NUDT9: variants seen among roughly 807,000 people sequenced by gnomAD.
NUDT9 encodes nudix hydrolase 9.
NUDT9 carries 31 observed loss-of-function variants against 41.0 expected under a neutral mutation model. The observed-to-expected ratio is 0.76, with a 90% confidence interval of 0.57 to 1.02. The LOEUF is 1.02. NUDT9 is among the 50% of genes least tolerant of loss of function. The pLI, the probability that NUDT9 is intolerant of heterozygous loss-of-function variation, is 0.00. For synonymous variants in NUDT9, 146 were observed against 147.6 expected, an observed-to-expected ratio of 0.99 and a Z score of 0.08; for missense variants, 380 against 431.4, an observed-to-expected ratio of 0.88 and a Z score of 1.06.
At chr4:87,449,654 A>G (rs1227847673) in intron 5 of NUDT9, among the ~76,000 whole-genome samples, 3 of 152,010 alleles carry the variant, frequency 2.0e-5, no homozygotes, top group African/African-American at 2.4e-5. Context: ...TTTAACCTCC[A>G]CTCCAAGCCC....
chr4:87,438,440 T>C (rs756466769), intron 3 of NUDT9, 68 bp downstream of exon 3: 10 of 864,818 alleles, frequency 1.2e-5, no homozygotes, highest in Admixed American at 9.6e-5. Flanking sequence ...AGTTCATATT[T>C]ATCAAATCCT....
chr4:87,441,710 T>C (rs1297047396), intron 3 of NUDT9, 119 bp from the exon 4 acceptor site: 8 of 787,312 alleles, frequency 1.0e-5, no homozygotes, highest in Non-Finnish European at 1.8e-5. Context: ...GATAGTTCCA[T>C]TGGATTTGTA....
chr4:87,450,515 A>T (rs919566977), intron 5 of NUDT9, among the ~76,000 whole-genome samples: 2 of 149,374 alleles, frequency 1.3e-5, no homozygotes, highest in Admixed American at 6.8e-5. Flanking sequence ...AGTAGCTGGG[A>T]TTATAGGCGA....
chr4:87,454,514 A>T, intron 7 of NUDT9, 59 bp downstream of exon 7: 1 of 1,049,050 alleles, frequency 9.5e-7, no homozygotes, highest in South Asian at 1.3e-5. Flanking sequence ...CCATTAGCCC[A>T]CTAAGGCATG....
At position 87,441,861 on chromosome 4, in the gene NUDT9, G is replaced by A. The variant is rs746239066; in HGVS notation, c.476G>A (p.Arg159Gln). ...NPAGRTGLVG[R>Q]GLLGRWGPNH... The stretch of plus-strand genomic sequence containing the variant: ...GCAGGACGGACTGGACTGGTGGGCC[G>A]GGGGCTTTTGGGGCGATGGGGCCCA... The change falls in exon 4 of 8, where the codon CGG becomes CAG. Residue 159 changes from arginine (R) to glutamine (Q), a missense_variant. Transcript: ENST00000302174. 9 of 1,611,982 alleles carry A rather than the reference G, an allele frequency of 5.6e-6. No individual in the cohort carries two copies. Among genetic ancestry groups the A allele is most frequent in the Non-Finnish European group, 6.8e-6 (8 of 1,178,950 alleles).
intron 4 of NUDT9, among the ~76,000 whole-genome samples, chr4:87,445,852 T>C (rs965465784): frequency 6.6e-6 from 1 of 152,098 alleles, no homozygotes; most frequent in Admixed American, 6.6e-5. Context: ...CATACATTTG[T>C]CCTTCAGAAT....
intron 7 of NUDT9, among the ~76,000 whole-genome samples, chr4:87,456,010 A>C (rs1441971443): frequency 1.3e-5 from 2 of 152,084 alleles, no homozygotes; most frequent in Non-Finnish European, 2.9e-5. Flanking sequence ...AAGGGAACTA[A>C]GGCAAATAGT....
chr4:87,448,654 A>G (rs1232233102), intron 4 of NUDT9, among the ~76,000 whole-genome samples: 1 of 151,720 alleles, frequency 6.6e-6, no homozygotes. Flanking sequence ...CTAATTTTTT[A>G]TTTTTTGTAG....
intron 4 of NUDT9, among the ~76,000 whole-genome samples, chr4:87,444,328 C>T (rs1722351812): frequency 6.6e-6 from 1 of 151,922 alleles, no homozygotes; most frequent in Non-Finnish European, 1.5e-5. Flanking sequence ...CTGGAAGAGG[C>T]ACCCATTCTC....
At chr4:87,430,934 G>C (rs1721659346) in intron 1 of NUDT9, among the ~76,000 whole-genome samples, 1 of 151,910 alleles carries the variant, frequency 6.6e-6, no homozygotes, top group South Asian at 2.1e-4. Context: ...TTTTCATCTT[G>C]ATGTAATATA....
chr4:87,430,726 A>G (rs9995987), intron 1 of NUDT9, among the ~76,000 whole-genome samples: 17,746 of 152,084 alleles, frequency 0.12, 1,117 homozygotes, highest in East Asian at 0.23. Flanking sequence ...GGCCATTTGT[A>G]TATCTTCTTT....
intron 7 of NUDT9, among the ~76,000 whole-genome samples, chr4:87,454,695 G>A (rs935881076): frequency 1.3e-5 from 2 of 152,164 alleles, no homozygotes; most frequent in African/African-American, 4.8e-5. Context: ...TGAAATTAAG[G>A]ATGAAATTAT....
rs776710913 is a variant in NUDT9, at chr4:87,454,415, A to G, written c.834A>G (p.Ala278=). 4 of 1,611,968 alleles carry G rather than the reference A, an allele frequency of 2.5e-6. No individual in the cohort carries two copies. The highest frequency in any genetic ancestry group is 1.7e-5 in the Admixed American group (1 of 60,028). The change falls in exon 7 of 8, where the codon GCA becomes GCG. Residue 278 remains alanine (A), a synonymous_variant. Transcript: ENST00000302174. ...ATGATCCTCGAAACACTGATAATGCATGGATGGAGACAGAAGCTGTGAACT... is the reference window on the plus strand; with the variant it reads ...ATGATCCTCGAAACACTGATAATGCGTGGATGGAGACAGAAGCTGTGAACT... The part of the protein sequence containing the change: ...YVDDPRNTDN[A]WMETEAVNYH...
At position 87,435,257 on chromosome 4, in the gene NUDT9, T is replaced by C. The variant is rs191263743; in HGVS notation, c.347+37T>C. On this transcript the variant is annotated intron_variant, in intron 2 of 7. Transcript: ENST00000302174. ...AGACAGCGTTAGCTGGGAATAAGAC[T>C]TTTAGAGAAGGTAATGGTTTTATTT... 9.3e-5 allele frequency: 146 copies of C among 1,562,238 alleles called. No homozygotes were observed. The African/African-American group carries it at 1.8e-3, about 19-fold the overall frequency.
At chr4:87,451,421 G>A (rs1722702561) in intron 5 of NUDT9, among the ~76,000 whole-genome samples, 168 bp from the exon 6 acceptor site, 1 of 152,176 alleles carries the variant, frequency 6.6e-6, no homozygotes, top group South Asian at 2.1e-4. Context: ...ATCCTTATTG[G>A]CTCCTTCTAC....
intron 1 of NUDT9, among the ~76,000 whole-genome samples, chr4:87,427,518 C>T (rs1372313664): frequency 6.6e-6 from 1 of 152,188 alleles, no homozygotes; most frequent in Non-Finnish European, 1.5e-5. Flanking sequence ...GCAGTGTTAG[C>T]ACTTCTTGAT....
chr4:87,438,219 A>T lies in NUDT9; in HGVS notation c.348-58A>T, dbSNP rs1722043033. On this transcript the variant is annotated intron_variant, in intron 2 of 7. Coordinates refer to ENST00000302174, the MANE Select transcript of NUDT9 (RefSeq NM_024047.5). The stretch of plus-strand genomic sequence containing the variant: ...GGATAACAGATTGACTTTCATTATT[A>T]AGCTGTTGGTAGTTTTGAATCATTA... The T allele has an allele frequency of 3.5e-5, 30 of 865,850 alleles. 1 individual carries two copies. The Middle Eastern group carries it at 1.1e-3, about 33-fold the overall frequency. The allele number at this position is 865,850 out of a possible 1,614,324, so 53.6% of individuals were successfully genotyped here.
At chr4:87,449,758 T>G (rs1722626028) in intron 5 of NUDT9, among the ~76,000 whole-genome samples, 1 of 152,250 alleles carries the variant, frequency 6.6e-6, no homozygotes, top group African/African-American at 2.4e-5. Flanking sequence ...TCTGTGTAGT[T>G]TAAATAATTT....
rs879876933 is a variant in NUDT9 at position 87,459,403 on chromosome 4, C to G, written c.*1382C>G. ...ACACAAGTTTACCTATGTAACAAAC[C>G]TGCACATGTACCCCTGTACTTAACA... On this transcript the variant is annotated 3_prime_UTR_variant, in exon 8 of 8. Coordinates refer to ENST00000302174, the MANE Select transcript of NUDT9 (RefSeq NM_024047.5). 6.6e-6 allele frequency: 1 copy of G among 152,152 alleles called. No homozygotes were observed. Among genetic ancestry groups the G allele is most frequent in the Admixed American group, 6.6e-5 (1 of 15,264 alleles). 9.4% of individuals were successfully genotyped at this position (152,152 alleles called of 1,614,324 possible). A position where few individuals can be genotyped will look rare whatever the true frequency, so the allele number is the denominator to read the frequency against.
Sources: allele counts gnomAD v4.1 joint callset (sites outside exome capture counted in the v4.1 genomes callset), GRCh38; gene constraint gnomAD v4.1.1; transcripts MANE v1.5; gene names NCBI Gene and HGNC (gene_info 2026-07-23, HGNC 2026-07-21).